AKAP19: variants seen among roughly 807,000 people sequenced by gnomAD.
AKAP19 encodes the protein A-kinase anchoring protein 19.
the AKAP19 span, among the ~76,000 whole-genome samples, chr2:189,881,169 C>G: frequency 6.6e-6 from 1 of 152,100 alleles, no homozygotes; most frequent in East Asian, 1.9e-4. Flanking sequence ...ACCTTTCTCC[C>G]TTTACAAACA....
the AKAP19 span, among the ~76,000 whole-genome samples, chr2:190,164,893 A>C: frequency 6.6e-6 from 1 of 152,224 alleles, no homozygotes; most frequent in African/African-American, 2.4e-5. Context: ...TACAGATGCT[A>C]TGGATAGTCT....
the AKAP19 span, among the ~76,000 whole-genome samples, chr2:189,932,439 T>G: frequency 6.6e-6 from 1 of 150,754 alleles, no homozygotes; most frequent in African/African-American, 2.4e-5. Flanking sequence ...ATTCTATTCA[T>G]GATAAATGCT....
chr2:190,172,168 T>C, the AKAP19 span, among the ~76,000 whole-genome samples: 1 of 152,188 alleles, frequency 6.6e-6, no homozygotes, highest in Non-Finnish European at 1.5e-5. Context: ...TATGCACTCA[T>C]TCCCTTCTTT....
chr2:190,006,880 C>G, the AKAP19 span, among the ~76,000 whole-genome samples: 1 of 151,820 alleles, frequency 6.6e-6, no homozygotes, highest in Non-Finnish European at 1.5e-5. Flanking sequence ...ATTAGCCAGG[C>G]GTGGTGGCAG....
the AKAP19 span, among the ~76,000 whole-genome samples, chr2:189,991,590 G>A: frequency 1.3e-5 from 2 of 152,192 alleles, no homozygotes; most frequent in South Asian, 4.2e-4. Flanking sequence ...ATAGATTCTG[G>A]TTATTAGTCC....
chr2:190,016,783 T>C, the AKAP19 span, among the ~76,000 whole-genome samples: 1 of 152,248 alleles, frequency 6.6e-6, no homozygotes, highest in Non-Finnish European at 1.5e-5. Context: ...AAATGTTCTG[T>C]ATATGTCTGT....
chr2:190,161,776 C>A, the AKAP19 span, among the ~76,000 whole-genome samples: 14 of 152,206 alleles, frequency 9.2e-5, no homozygotes, highest in Admixed American at 4.6e-4. Context: ...TTTGGATAAA[C>A]AAGTTGCATT....
chr2:189,881,193 G>A, the AKAP19 span, among the ~76,000 whole-genome samples: 1 of 152,122 alleles, frequency 6.6e-6, no homozygotes, highest in South Asian at 2.1e-4. Flanking sequence ...ATAATCAAGA[G>A]TTAACTGTTA....
At chr2:190,033,534 G>A in the AKAP19 span, among the ~76,000 whole-genome samples, 4 of 152,178 alleles carry the variant, frequency 2.6e-5, no homozygotes, top group Non-Finnish European at 5.9e-5. Flanking sequence ...CATAACTTGT[G>A]AGGATGGGAC....
the AKAP19 span, among the ~76,000 whole-genome samples, chr2:190,098,059 G>C: frequency 6.6e-6 from 1 of 151,920 alleles, no homozygotes; most frequent in African/African-American, 2.4e-5. Context: ...ATGAAGGTTT[G>C]AATCAACCTC....
the AKAP19 span, among the ~76,000 whole-genome samples, chr2:190,104,161 C>T: frequency 2.0e-5 from 3 of 152,206 alleles, no homozygotes; most frequent in African/African-American, 7.2e-5. Flanking sequence ...TATACCCCCA[C>T]ATTTCACCAT....
chr2:189,925,358 T>C, the AKAP19 span, among the ~76,000 whole-genome samples: 1 of 152,164 alleles, frequency 6.6e-6, no homozygotes, highest in African/African-American at 2.4e-5. Context: ...ACTCAAGTAA[T>C]AGAATATACT....
the AKAP19 span, among the ~76,000 whole-genome samples, chr2:190,030,770 T>C: frequency 2.0e-5 from 3 of 152,246 alleles, no homozygotes; most frequent in Non-Finnish European, 2.9e-5. Context: ...AGTGTCATGT[T>C]TGTGACTTCT....
the AKAP19 span, among the ~76,000 whole-genome samples, chr2:190,143,953 T>C: frequency 2.9e-5 from 4 of 139,612 alleles, no homozygotes; most frequent in Non-Finnish European, 6.1e-5. Context: ...TTCTCACTCA[T>C]AGGTGGGAAC....
the AKAP19 span, among the ~76,000 whole-genome samples, chr2:189,952,975 G>A: frequency 6.6e-6 from 1 of 152,178 alleles, no homozygotes; most frequent in Non-Finnish European, 1.5e-5. Context: ...AACAGAACAA[G>A]ATTATGGTAA....
the AKAP19 span, chr2:190,062,257 T>C: frequency 1.7e-5 from 27 of 1,613,010 alleles, no homozygotes; most frequent in Non-Finnish European, 2.2e-5. Flanking sequence ...GTTTCCGTTG[T>C]AGCGTGATAA....
At chr2:190,060,757 C>T in the AKAP19 span, among the ~76,000 whole-genome samples, 2 of 152,020 alleles carry the variant, frequency 1.3e-5, no homozygotes, top group South Asian at 4.2e-4. Context: ...TTAGAGAGAA[C>T]AAGAGACACT....
the AKAP19 span, chr2:189,924,281 A>C: frequency 2.7e-6 from 3 of 1,129,728 alleles, no homozygotes; most frequent in Non-Finnish European, 4.0e-6. Flanking sequence ...TCTAAGATCA[A>C]ATTTTTCACC....
chr2:189,995,329 AT>A, the AKAP19 span, among the ~76,000 whole-genome samples: 1 of 152,040 alleles, frequency 6.6e-6, no homozygotes, highest in African/African-American at 2.4e-5. Flanking sequence ...TGATTATGAT[AT>A]TTTCCCGTTA....
Sources: allele counts gnomAD v4.1 joint callset (sites outside exome capture counted in the v4.1 genomes callset), GRCh38; gene constraint gnomAD v4.1.1; transcripts MANE v1.5; gene names NCBI Gene and HGNC (gene_info 2026-07-23, HGNC 2026-07-21).